The following ADAM22 variants were observed in gnomAD, a reference collection of about 807,000 sequenced individuals.
ADAM22 encodes disintegrin and metalloproteinase domain-containing protein 22.
In ADAM22, 65 loss-of-function variants were observed where a neutral mutation model predicts 144.6. The ratio of observed to expected loss-of-function variants is 0.45; its 90% CI spans 0.37 to 0.55. The LOEUF (loss-of-function observed/expected upper bound fraction) is 0.55, where lower values mean the gene tolerates loss of function less well. Among genes scored for constraint, ADAM22 ranks in the 20% least tolerant of loss-of-function variants. The pLI is 0.00. For synonymous variants in ADAM22, 391 were observed against 412.6 expected (o/e 0.95, Z 0.63); for missense variants, 974 against 1,184.9 (o/e 0.82, Z 2.61).
chr7:88,013,194 A>C (rs371212804), intron 3 of ADAM22, among the ~76,000 whole-genome samples: 1 of 152,042 alleles, frequency 6.6e-6, no homozygotes, highest in South Asian at 2.1e-4. Context: ...CTCCAGATAA[A>C]CTGATCTTAG....
chr7:88,196,376 A>ATGTGATTG, intron 31 of ADAM22, 95 bp from the exon 32 acceptor site: 4 of 1,387,176 alleles, frequency 2.9e-6, no homozygotes, highest in Non-Finnish European at 4.1e-6. Flanking sequence ...TCACATATAT[A>ATGTGATTG]TGGATGGAAT....
intron 4 of ADAM22, among the ~76,000 whole-genome samples, chr7:88,101,599 C>T (rs1363678409): frequency 1.3e-5 from 2 of 152,152 alleles, no homozygotes; most frequent in Admixed American, 6.6e-5. Context: ...ATGACCAGCA[C>T]CAACAAAAAT....
chr7:88,101,970 T>A (rs1823050179), intron 4 of ADAM22, among the ~76,000 whole-genome samples: 1 of 152,170 alleles, frequency 6.6e-6, no homozygotes, highest in Admixed American at 6.5e-5. Flanking sequence ...TGCAAACCAC[T>A]CTTTGAGAAC....
In ADAM22 at chr7:88,077,363, C is replaced by T. The variant is rs142837032; in HGVS notation, c.390+1671C>T. On this transcript the variant is annotated intron_variant, in intron 4 of 31. Transcript: ENST00000413139. ...GTGAAAAGAATGCTATAATGAGGGT[C>T]GGGAGCCAAGATGGCTGAATAGAAC... is the stretch of plus-strand genomic sequence containing the variant. 5.3e-5 allele frequency among the ~76,000 whole-genome samples: 8 copies of T among 152,156 alleles called. No individual in the cohort carries two copies. In the East Asian group the frequency reaches 5.8e-4, roughly 11 times the overall value.
At chr7:88,192,164 T>A (rs1437643621) in intron 30 of ADAM22, among the ~76,000 whole-genome samples, 1 of 152,220 alleles carries the variant, frequency 6.6e-6, no homozygotes, top group African/African-American at 2.4e-5. Flanking sequence ...TAAACACTTT[T>A]GCTATAAGGT....
rs1241776453 is a variant in ADAM22 at position 88,192,148 on chromosome 7, CT to C, written c.2751-967del. ...GTCACAGCAGATGAGGTACATTCTA[CT>C]GAAATAAACACTTTTGCTATAAGGT... On this transcript the variant is annotated intron_variant, in intron 30 of 31. Transcript: ENST00000413139. Among the ~76,000 whole-genome samples, 5 of 152,128 alleles carry C rather than the reference CT, an allele frequency of 3.3e-5. No homozygotes were observed. In the East Asian group the frequency reaches 9.6e-4, roughly 29 times the overall value.
In ADAM22 at chr7:88,095,280, C is replaced by T. The variant is rs115319844; in HGVS notation, c.391-12896C>T. Among the ~76,000 whole-genome samples, 481 of 152,180 alleles carry T rather than the reference C, an allele frequency of 3.2e-3. 3 individuals are homozygous for T. Among genetic ancestry groups the T allele is most frequent in the African/African-American group, 0.011 (438 of 41,508 alleles). ...GAAGTTCCTCCAAGAGAAGCACCCA[C>T]GGGAACTTGTACTATATTCTCAGCA... On this transcript the variant is annotated intron_variant, in intron 4 of 31. Transcript: ENST00000413139.
At chr7:88,006,171 G>A (rs527506235) in intron 3 of ADAM22, among the ~76,000 whole-genome samples, 11 of 150,928 alleles carry the variant, frequency 7.3e-5, no homozygotes, top group East Asian at 5.8e-4. Context: ...TTTTTTTCTC[G>A]ACACATACAC....
chr7:88,002,429 C>T (rs529667448), intron 3 of ADAM22, among the ~76,000 whole-genome samples: 63 of 152,272 alleles, frequency 4.1e-4, no homozygotes, highest in African/African-American at 1.5e-3. Context: ...GTGTGGAATC[C>T]ATCCCTCCCA....
At chr7:88,185,978 C>A (rs567189110) in intron 29 of ADAM22, 4 of 152,364 alleles carry the variant, frequency 2.6e-5, no homozygotes, top group Non-Finnish European at 5.9e-5. Flanking sequence ...GCTTCAAGAT[C>A]ATGGAGGCCT....
chr7:88,059,084 T>C (rs902896257), intron 3 of ADAM22, among the ~76,000 whole-genome samples: 3 of 152,196 alleles, frequency 2.0e-5, no homozygotes, highest in Non-Finnish European at 4.4e-5. Flanking sequence ...CCCAGGTTGC[T>C]CTCTGAACAT....
chr7:88,183,750 A>T (rs1159049496), intron 29 of ADAM22, among the ~76,000 whole-genome samples: 3 of 151,644 alleles, frequency 2.0e-5, no homozygotes, highest in African/African-American at 7.3e-5. Flanking sequence ...AATTAAATGG[A>T]TCCAAGTCTG....
intron 3 of ADAM22, among the ~76,000 whole-genome samples, chr7:88,005,309 A>G (rs1172283707): frequency 2.0e-5 from 3 of 152,142 alleles, no homozygotes; most frequent in Non-Finnish European, 4.4e-5. Context: ...TCTGGATGTC[A>G]GGGCCAGGGG....
intron 22 of ADAM22, 118 bp from the exon 23 acceptor site, chr7:88,162,894 T>C: frequency 1.9e-6 from 2 of 1,044,030 alleles, no homozygotes; most frequent in South Asian, 1.5e-5. Context: ...GCTACTGGTC[T>C]TTAATAAGTA....
chr7:88,110,729 GTTCA>G (rs1034188713), intron 5 of ADAM22, among the ~76,000 whole-genome samples: 8 of 133,402 alleles, frequency 6.0e-5, no homozygotes, highest in Admixed American at 2.3e-4. Flanking sequence ...TTGTTCGTTC[GTTCA>G]TTCATTCTTT....
At chr7:88,014,528 A>G (rs1398332125) in intron 3 of ADAM22, among the ~76,000 whole-genome samples, 2 of 152,176 alleles carry the variant, frequency 1.3e-5, no homozygotes, top group Non-Finnish European at 2.9e-5. Flanking sequence ...AGAGCACCTG[A>G]GGTCAGGAAT....
At chr7:88,099,625 A>G (rs1822379018) in intron 4 of ADAM22, among the ~76,000 whole-genome samples, 1 of 152,190 alleles carries the variant, frequency 6.6e-6, no homozygotes, top group Admixed American at 6.5e-5. Flanking sequence ...ATTACTGAGT[A>G]ATCTTTCAGA....
At chr7:88,132,213 A>G (rs1264678307) in intron 11 of ADAM22, 2 of 150,116 alleles carry the variant, frequency 1.3e-5, no homozygotes, top group Non-Finnish European at 3.0e-5. Flanking sequence ...GGGATTTATT[A>G]TTAAATAGTA....
intron 30 of ADAM22, among the ~76,000 whole-genome samples, chr7:88,189,711 C>T (rs182681315): frequency 6.6e-6 from 1 of 152,046 alleles, no homozygotes; most frequent in South Asian, 2.1e-4. Flanking sequence ...TTTGGGAGGC[C>T]AAGGTGGGCA....
Sources: gnomAD v4.1 joint callset for allele counts (sites outside exome capture counted in the v4.1 genomes callset) on GRCh38, gnomAD v4.1.1 for gene constraint, MANE v1.5 for transcripts, NCBI Gene and HGNC (gene_info 2026-07-23, HGNC 2026-07-21) for gene names.